Variants in CLN5 observed in about 807,000 individuals in gnomAD.
CLN5 encodes bis(monoacylglycero)phosphate synthase CLN5.
In CLN5, 34 loss-of-function variants were observed where a neutral mutation model predicts 36.7. The observed-to-expected ratio is 0.93, with a 90% CI of 0.71 to 1.23. The LOEUF is 1.23. Among genes scored for constraint, CLN5 ranks in the 50% most tolerant of loss-of-function variants. CLN5 has a pLI of 0.00. For missense variants in CLN5, 427 were observed against 439.4 expected, an observed-to-expected ratio of 0.97 and a Z score of 0.25; for synonymous variants, 151 against 155.1, an observed-to-expected ratio of 0.97 and a Z score of 0.20.
At position 76,996,389 on chromosome 13, in the gene CLN5, C is replaced by A. The variant is rs144108987; in HGVS notation, c.565+262C>A. ...TTAGTGGTGATTTCTGAGATTTTTGCGCACCCATCACCCGAGCAGTGTACA... is the reference window on the plus strand; with the variant it reads ...TTAGTGGTGATTTCTGAGATTTTTGAGCACCCATCACCCGAGCAGTGTACA... On this transcript the variant is annotated intron_variant, in intron 3 of 3. Transcript: ENST00000377453. 0.013 allele frequency: 5,807 copies of A among 442,820 alleles called. 55 individuals are homozygous for A. Among genetic ancestry groups the A allele is most frequent in the Non-Finnish European group, 0.017 (4,228 of 241,758 alleles). 27.4% of individuals were successfully genotyped at this position (442,820 alleles called of 1,614,324 possible).
intron 3 of CLN5, 174 bp from the exon 4 acceptor site, chr13:77,000,284 C>T (rs1438157606): frequency 1.8e-6 from 1 of 541,736 alleles, no homozygotes; most frequent in Non-Finnish European, 3.2e-6. Flanking sequence ...ACTCAGGAGG[C>T]CGAGGTGGGA....
chr13:77,004,097 C>T lies in CLN5; in HGVS notation c.*3128C>T, dbSNP rs1224148612. On this transcript the variant is annotated 3_prime_UTR_variant, in exon 4 of 4. Transcript: ENST00000377453. ...ATATATTGTTGCATGTAGAGGAAAA[C>T]ACAGTGAAGAAACCTACTAACTTTA... 1 of 133,548 alleles carries T rather than the reference C, an allele frequency of 7.5e-6. No individual in the cohort carries two copies. Among genetic ancestry groups the T allele is most frequent in the African/African-American group, 3.0e-5 (1 of 33,654 alleles). 8.3% of individuals were successfully genotyped at this position (133,548 alleles called of 1,614,324 possible).
rs765773686 is a variant in CLN5 at position 76,995,064 on chromosome 13, C to T, written c.175C>T (p.Arg59Cys). The change falls in exon 2 of 4, where the codon CGC (arginine) becomes TGC (cysteine). Residue 59 changes from arginine to cysteine, a missense_variant and splice_region_variant. Physicochemically the swap from Arg to Cys is radical, Grantham distance 180 (BLOSUM62 -3). Coordinates refer to ENST00000377453, the MANE Select transcript of CLN5 (RefSeq NM_006493.4). ...AGATGGTTTCTTTTTCTTTATTAGG[C>T]GCTTTGACTTCCGTCCAAAACCTGA... ...SRRHWPVPYK[R>C]FDFRPKPDPY... The T allele has an allele frequency of 5.6e-6, 9 of 1,613,196 alleles. No individual in the cohort carries two copies. Among genetic ancestry groups the T allele is most frequent in the Non-Finnish European group, 7.6e-6 (9 of 1,179,658 alleles).
intron 1 of CLN5, chr13:76,993,538 T>C (rs535265737): frequency 1.2e-4 from 19 of 152,280 alleles, no homozygotes; most frequent in Admixed American, 1.0e-3. Context: ...ACTATGGCTT[T>C]TTAGTGGATT....
chr13:76,996,293 G>T, intron 3 of CLN5, 166 bp downstream of exon 3: 2 of 620,440 alleles, frequency 3.2e-6, no homozygotes, highest in Admixed American at 2.9e-5. Context: ...TCTCTTATTT[G>T]TATTTTTTAT....
In CLN5 at chr13:77,000,617, TG is replaced by T; in HGVS notation, c.727del (p.Ala243LeufsTer10). ...SKFVLRTFNK[L>X]AEFGAEFKNI... ...TTTGTGTTAAGGACCTTTAACAAGT[TG>T]GCTGAATTTGGAGCAGAGTTCAAGA... On this transcript the variant is annotated frameshift_variant, in exon 4 of 4. Transcript: ENST00000377453. LOFTEE classifies it high-confidence loss of function. The T allele has an allele frequency of 6.2e-7, 1 of 1,614,114 alleles. No individual in the cohort carries two copies. Among genetic ancestry groups the T allele is most frequent in the Non-Finnish European group, 8.5e-7 (1 of 1,179,990 alleles).
At chr13:76,992,816 A>G (rs955028788) in intron 1 of CLN5, 4 of 153,834 alleles carry the variant, frequency 2.6e-5, no homozygotes, top group Non-Finnish European at 5.8e-5. Context: ...TAGACCGGGA[A>G]GATTGTCACC....
At chr13:76,992,681 C>T in intron 1 of CLN5, 1 of 219,070 alleles carries the variant, frequency 4.6e-6, no homozygotes, top group South Asian at 7.2e-5. Flanking sequence ...GTACAATTTA[C>T]TGGGCGACCA....
chr13:76,995,961 G>GT lies in CLN5; in HGVS notation c.399_400insT (p.Glu134Ter). The GT allele has an allele frequency of 6.2e-7, 1 of 1,614,212 alleles. No individual in the cohort carries two copies. Among genetic ancestry groups the GT allele is most frequent in the South Asian group, 1.1e-5 (1 of 91,088 alleles). ...CATTAACTGGCAAGAACTACACAATGGAATGGTATGAACTTTTCCAACTTG... is the reference window on the plus strand; with the variant it reads ...CATTAACTGGCAAGAACTACACAATGTGAATGGTATGAACTTTTCCAACTTG... On this transcript the variant is annotated frameshift_variant, in exon 3 of 4. Transcript: ENST00000377453. LOFTEE classifies it high-confidence loss of function.
chr13:77,000,470 A>G lies in CLN5; in HGVS notation c.578A>G (p.Asn193Ser). 8.7e-6 allele frequency: 14 copies of G among 1,613,428 alleles called. No homozygotes were observed. Among genetic ancestry groups the G allele is most frequent in the Non-Finnish European group, 1.1e-5 (13 of 1,179,732 alleles). Reference sequence around the variant, plus strand: ...TTTTTTAAACTAGGAAACATGTTCAACCAAATGGCAAAGTGGGTGAAACAG... The same window carrying G: ...TTTTTTAAACTAGGAAACATGTTCAGCCAAATGGCAAAGTGGGTGAAACAG... ...QVATISGNMF[N>S]QMAKWVKQDN... The change falls in exon 4 of 4, where the codon AAC becomes AGC. Residue 193 changes from asparagine to serine, a missense_variant. Physicochemically the swap from Asn to Ser is conservative, Grantham distance 46 (BLOSUM62 1). Transcript: ENST00000377453.
intron 3 of CLN5, chr13:76,998,299 A>C (rs2034301501): frequency 6.6e-6 from 1 of 152,226 alleles, no homozygotes. Context: ...TTGGTTAGTA[A>C]TGAAAAGAGT....
Position 77,003,994 on chromosome 13 carries a change from G to C in CLN5, c.*3025G>C, listed in dbSNP as rs1385976557. ...AATTTATACATTTTTAGTCTGACTAGGGCTTTAGAGTGAATATATCTCCTC... is the reference window on the plus strand; with the variant it reads ...AATTTATACATTTTTAGTCTGACTACGGCTTTAGAGTGAATATATCTCCTC... On this transcript the variant is annotated 3_prime_UTR_variant, in exon 4 of 4. Coordinates refer to ENST00000377453, the MANE Select transcript of CLN5 (RefSeq NM_006493.4). The C allele has an allele frequency of 6.6e-6, 1 of 152,192 alleles. No homozygotes were observed. Among genetic ancestry groups the C allele is most frequent in the Non-Finnish European group, 1.5e-5 (1 of 68,034 alleles). The allele number at this position is 152,192 out of a possible 1,614,324, so 9.4% of individuals were successfully genotyped here. A position where few individuals can be genotyped will look rare whatever the true frequency, so the allele number is the denominator to read the frequency against.
rs558199912 is a variant in CLN5 at position 77,003,337 on chromosome 13, A to G, written c.*2368A>G. 6.6e-6 allele frequency: 1 copy of G among 152,288 alleles called. No homozygotes were observed. The highest frequency in any genetic ancestry group is 1.9e-4 in the East Asian group (1 of 5,164). 9.4% of individuals were successfully genotyped at this position (152,288 alleles called of 1,614,324 possible). A position where few individuals can be genotyped will look rare whatever the true frequency, so the allele number is the denominator to read the frequency against. ...AAAAAAAAAGCATTCAAGATTTTTCATTGTTCCTAAGAATCTTAATTAAAT... is the reference window on the plus strand; with the variant it reads ...AAAAAAAAAGCATTCAAGATTTTTCGTTGTTCCTAAGAATCTTAATTAAAT... On this transcript the variant is annotated 3_prime_UTR_variant, in exon 4 of 4. Transcript: ENST00000377453.
At position 77,000,750 on chromosome 13, in the gene CLN5, A is replaced by G; in HGVS notation, c.858A>G (p.Leu286=). The G allele has an allele frequency of 6.2e-7, 1 of 1,614,128 alleles. No individual in the cohort carries two copies. The highest frequency in any genetic ancestry group is 8.5e-7 in the Non-Finnish European group (1 of 1,179,986). ...FGPTGNKTLG[L]AIKRFYYPFK... ...CAACAGGAAACAAGACTCTTGGTTT[A>G]GCCATAAAAAGATTTTATTACCCCT... is the stretch of plus-strand genomic sequence containing the variant. The change falls in exon 4 of 4, where the codon TTA becomes TTG. Residue 286 remains leucine (L), a synonymous_variant. Coordinates refer to ENST00000377453, the MANE Select transcript of CLN5 (RefSeq NM_006493.4).
rs1352302280 is a variant in CLN5, at chr13:77,004,755, T to TA, written c.*3789dup. ...TCACATGAACGTCTTCCTTTCAGCCTAAAGTTCTTAAAATGCACTAAATTG... is the reference window on the plus strand; with the variant it reads ...TCACATGAACGTCTTCCTTTCAGCCTAAAAGTTCTTAAAATGCACTAAATTG... On this transcript the variant is annotated 3_prime_UTR_variant, in exon 4 of 4. Coordinates refer to ENST00000377453, the MANE Select transcript of CLN5 (RefSeq NM_006493.4). The TA allele has an allele frequency of 6.6e-6, 1 of 152,204 alleles. No individual in the cohort carries two copies. Among genetic ancestry groups the TA allele is most frequent in the East Asian group, 1.9e-4 (1 of 5,202 alleles). 9.4% of individuals were successfully genotyped at this position (152,204 alleles called of 1,614,324 possible). A position where few individuals can be genotyped will look rare whatever the true frequency, so the allele number is the denominator to read the frequency against.
intron 2 of CLN5, chr13:76,995,698 A>G (rs909511211): frequency 3.2e-6 from 2 of 621,500 alleles, no homozygotes; most frequent in African/African-American, 3.7e-5. Flanking sequence ...TGAGCCAAAT[A>G]GGGGTGTAGT....
Position 76,995,885 on chromosome 13 carries a change from G to A in CLN5, c.340-17G>A, listed in dbSNP as rs1230009371. ...TTGTGTCACAGTTGCTTTTATACAT[G>A]TACTGTCTTTACACAGAAAATTATG... On this transcript the variant is annotated splice_polypyrimidine_tract_variant and intron_variant, in intron 2 of 3. Coordinates refer to ENST00000377453, the MANE Select transcript of CLN5 (RefSeq NM_006493.4). 10 of 1,604,156 alleles carry A rather than the reference G, an allele frequency of 6.2e-6. No homozygotes were observed. The Admixed American group carries it at 1.7e-4, about 27-fold the overall frequency.
chr13:76,993,454 A>G (rs897860117), intron 1 of CLN5: 3 of 152,242 alleles, frequency 2.0e-5, no homozygotes, highest in Admixed American at 2.0e-4. Context: ...AATGTTTGTA[A>G]GAAGTCAAAA....
chr13:76,998,506 A>C (rs748018559), intron 3 of CLN5: 2 of 152,232 alleles, frequency 1.3e-5, no homozygotes, highest in Non-Finnish European at 2.9e-5. Context: ...AAATGAAAGC[A>C]CTGTTGTGAC....
Sources: gnomAD v4.1 joint callset for allele counts on GRCh38, gnomAD v4.1.1 for gene constraint, MANE v1.5 for transcripts, NCBI Gene and HGNC (gene_info 2026-07-23, HGNC 2026-07-21) for gene names.